PTPRT: variants seen among roughly 807,000 people sequenced by gnomAD.
PTPRT encodes receptor-type tyrosine-protein phosphatase T.
In PTPRT, 56 loss-of-function variants were observed where a neutral mutation model predicts 176.8. The observed-to-expected ratio is 0.32, with a 90% confidence interval of 0.26 to 0.40. The LOEUF is 0.40. Ranked by LOEUF, PTPRT falls within the 10% of genes least tolerant of loss-of-function variation. The probability of loss-of-function intolerance (pLI) is 1.00; values close to 1 mark genes in which losing one functional copy is unlikely to be tolerated. For synonymous variants in PTPRT, 783 were observed against 739.0 expected, an observed-to-expected ratio of 1.06 and a Z score of -0.96; for missense variants, 1,540 against 1,908.2, an observed-to-expected ratio of 0.81 and a Z score of 3.60.
chr20:42,293,870 A>T (rs1028389347), intron 12 of PTPRT, among the ~76,000 whole-genome samples: 8 of 152,204 alleles, frequency 5.3e-5, no homozygotes, highest in African/African-American at 1.9e-4. Context: ...CAGTCAATCA[A>T]CCATTAATTC....
chr20:42,704,431 CAAA>C (rs3091987), intron 6 of PTPRT, among the ~76,000 whole-genome samples: 1 of 133,770 alleles, frequency 7.5e-6, no homozygotes. Flanking sequence ...CGTTGATATC[CAAA>C]AAAAAAAAAA....
chr20:42,265,539 C>T (rs2056824901), intron 13 of PTPRT, among the ~76,000 whole-genome samples: 1 of 152,072 alleles, frequency 6.6e-6, no homozygotes, highest in Non-Finnish European at 1.5e-5. Flanking sequence ...CTTTGTCCCC[C>T]AGAGCTGCCC....
chr20:43,075,784 A>C (rs2011258828), intron 1 of PTPRT, among the ~76,000 whole-genome samples: 1 of 152,220 alleles, frequency 6.6e-6, no homozygotes, highest in Non-Finnish European at 1.5e-5. Context: ...TTGGAATAAA[A>C]ATAAATGTGA....
intron 2 of PTPRT, among the ~76,000 whole-genome samples, chr20:42,881,785 C>G (rs899015619): frequency 7.9e-5 from 11 of 139,714 alleles, no homozygotes; most frequent in African/African-American, 2.6e-4. Flanking sequence ...AAAGAGAAAT[C>G]AACAAAGTGA....
At chr20:43,120,167 C>A (rs1272345672) in intron 1 of PTPRT, among the ~76,000 whole-genome samples, 1 of 152,138 alleles carries the variant, frequency 6.6e-6, no homozygotes, top group East Asian at 1.9e-4. Flanking sequence ...AATAGAATTA[C>A]GAGGATCTAA....
intron 1 of PTPRT, among the ~76,000 whole-genome samples, chr20:43,006,894 A>G (rs1984882065): frequency 6.6e-6 from 1 of 152,152 alleles, no homozygotes; most frequent in African/African-American, 2.4e-5. Context: ...GTGGCAATGT[A>G]GAGTCTGCAC....
At chr20:42,602,734 A>G (rs2073803648) in intron 7 of PTPRT, among the ~76,000 whole-genome samples, 1 of 151,952 alleles carries the variant, frequency 6.6e-6, no homozygotes, top group African/African-American at 2.4e-5. Context: ...CACCCCACAA[A>G]CAATGCTAAA....
chr20:42,531,392 G>A (rs1432497047), intron 7 of PTPRT, among the ~76,000 whole-genome samples: 4 of 152,164 alleles, frequency 2.6e-5, no homozygotes, highest in Non-Finnish European at 5.9e-5. Flanking sequence ...AAAGAAAGGA[G>A]GTTTCTATAA....
intron 9 of PTPRT, among the ~76,000 whole-genome samples, chr20:42,364,214 A>G (rs1357298126): frequency 3.3e-5 from 5 of 152,174 alleles, no homozygotes; most frequent in Non-Finnish European, 1.5e-5. Flanking sequence ...TCTAAGGAGA[A>G]ATCCATCGAT....
At chr20:43,174,705 A>C (rs1568826963) in intron 1 of PTPRT, among the ~76,000 whole-genome samples, 1 of 152,182 alleles carries the variant, frequency 6.6e-6, no homozygotes. Context: ...GTCATATTCG[A>C]ATGTGGACAG....
At chr20:42,560,567 C>T (rs556817599) in intron 7 of PTPRT, among the ~76,000 whole-genome samples, 35 of 152,266 alleles carry the variant, frequency 2.3e-4, no homozygotes, top group Middle Eastern at 6.8e-3. Context: ...AGCAAAATTG[C>T]CTCAGGGTAC....
intron 15 of PTPRT, among the ~76,000 whole-genome samples, chr20:42,215,255 G>C (rs1054091797): frequency 1.3e-5 from 2 of 152,196 alleles, no homozygotes; most frequent in Admixed American, 1.3e-4. Flanking sequence ...CTCTGGCCCT[G>C]GACTGACTTG....
chr20:42,873,989 G>T (rs1203176964), intron 2 of PTPRT, among the ~76,000 whole-genome samples: 1 of 150,328 alleles, frequency 6.7e-6, no homozygotes, highest in African/African-American at 2.5e-5. Flanking sequence ...ATGAAAACCT[G>T]TTTCTTTACT....
intron 9 of PTPRT, among the ~76,000 whole-genome samples, chr20:42,441,157 G>A (rs1342636387): frequency 1.3e-5 from 2 of 152,156 alleles, no homozygotes; most frequent in Non-Finnish European, 2.9e-5. Context: ...TGCGGGCCTG[G>A]GTGATACAAA....
intron 9 of PTPRT, among the ~76,000 whole-genome samples, chr20:42,369,117 C>T (rs111290074): frequency 0.011 from 1,656 of 151,624 alleles, 31 homozygotes; most frequent in African/African-American, 0.036. Flanking sequence ...TCCATCCATC[C>T]GTCCGTCCAT....
chr20:42,587,712 C>A (rs571193660), intron 7 of PTPRT, among the ~76,000 whole-genome samples: 2 of 152,284 alleles, frequency 1.3e-5, no homozygotes, highest in East Asian at 3.9e-4. Context: ...TGCGGTCACA[C>A]AGGAGGTACT....
chr20:42,713,632 G>A (rs193139795), intron 6 of PTPRT, among the ~76,000 whole-genome samples: 29 of 152,194 alleles, frequency 1.9e-4, no homozygotes, highest in African/African-American at 6.8e-4. Context: ...ATGTGATACA[G>A]TTTGGATGTG....
chr20:43,006,343 T>G (rs973766696), intron 1 of PTPRT, among the ~76,000 whole-genome samples: 2 of 152,194 alleles, frequency 1.3e-5, no homozygotes, highest in Non-Finnish European at 2.9e-5. Flanking sequence ...TGTGTGAGAT[T>G]CTATCAACAT....
At chr20:42,349,444 T>G (rs992548231) in intron 11 of PTPRT, among the ~76,000 whole-genome samples, 4 of 152,240 alleles carry the variant, frequency 2.6e-5, no homozygotes, top group Non-Finnish European at 5.9e-5. Flanking sequence ...CTCTGAGCTC[T>G]TATGCGTATC....
Sources: gnomAD v4.1 joint callset for allele counts (sites outside exome capture counted in the v4.1 genomes callset) on GRCh38, gnomAD v4.1.1 for gene constraint, MANE v1.5 for transcripts, NCBI Gene and HGNC (gene_info 2026-07-23, HGNC 2026-07-21) for gene names.